Variants in TTLL11 observed in about 807,000 individuals in gnomAD.
TTLL11 encodes the protein tubulin polyglutamylase TTLL11.
Under a neutral mutation model 51.7 loss-of-function variants are expected in TTLL11, and 42 were observed. The ratio of observed to expected loss-of-function variants is 0.81; its 90% CI spans 0.64 to 1.05. The LOEUF (loss-of-function observed/expected upper bound fraction) is 1.05, where lower values mean the gene tolerates loss of function less well. Among genes scored for constraint, TTLL11 ranks in the 50% least tolerant of loss-of-function variants. The pLI, the probability that TTLL11 is intolerant of heterozygous loss-of-function variation, is 0.00. For synonymous variants in TTLL11, 381 were observed against 383.5 expected, an observed-to-expected ratio of 0.99 and a Z score of 0.08; for missense variants, 799 against 940.4, an observed-to-expected ratio of 0.85 and a Z score of 1.97.
chr9:121,968,082 T>C (rs934396388), intron 6 of TTLL11, among the ~76,000 whole-genome samples: 8 of 152,204 alleles, frequency 5.3e-5, no homozygotes, highest in Admixed American at 3.9e-4. Flanking sequence ...ACTTTGTGAA[T>C]GTACTAAATG....
intron 1 of TTLL11, among the ~76,000 whole-genome samples, chr9:122,068,992 G>C (rs1845663600): frequency 6.6e-6 from 1 of 152,178 alleles, no homozygotes; most frequent in African/African-American, 2.4e-5. Flanking sequence ...GCCCCTGAAT[G>C]ACGACCCTGC....
At chr9:122,082,844 T>G (rs547291442) in intron 1 of TTLL11, among the ~76,000 whole-genome samples, 1 of 152,042 alleles carries the variant, frequency 6.6e-6, no homozygotes, top group African/African-American at 2.4e-5. Context: ...TTGGGCAACA[T>G]AGCACAATGC....
chr9:121,987,773 C>T (rs1030776255), intron 4 of TTLL11, among the ~76,000 whole-genome samples: 1 of 152,058 alleles, frequency 6.6e-6, no homozygotes, highest in African/African-American at 2.4e-5. Context: ...CTGGCTCCCT[C>T]CCCCTCCCCT....
At chr9:122,019,903 G>A (rs1238209318) in intron 3 of TTLL11, among the ~76,000 whole-genome samples, 1 of 152,158 alleles carries the variant, frequency 6.6e-6, no homozygotes, top group Non-Finnish European at 1.5e-5. Context: ...TGTTTTATAA[G>A]GGGTTTCCCT....
Position 121,996,474 on chromosome 9 carries a change from C to T in TTLL11, c.694-6704G>A, listed in dbSNP as rs559781574. 4.9e-4 allele frequency among the ~76,000 whole-genome samples: 74 copies of T among 152,288 alleles called. No individual in the cohort carries two copies. In the Middle Eastern group the frequency reaches 0.01, roughly 21 times the overall value. On this transcript the variant is annotated intron_variant, in intron 3 of 8. Transcript: ENST00000321582. ...CTACACACACACACAGACACACACA[C>T]ACATGCACACACATGTATAGAGTAC...
chr9:121,971,941 A>G (rs372529733), intron 6 of TTLL11, among the ~76,000 whole-genome samples: 20 of 152,100 alleles, frequency 1.3e-4, no homozygotes, highest in African/African-American at 4.6e-4. Context: ...ATGAGAACAC[A>G]TGAGCACAGG....
chr9:122,043,201 C>A (rs767316048), intron 1 of TTLL11, among the ~76,000 whole-genome samples: 2 of 151,984 alleles, frequency 1.3e-5, no homozygotes, highest in Non-Finnish European at 2.9e-5. Context: ...AATCTCTGCA[C>A]CATATGCTCA....
intron 6 of TTLL11, among the ~76,000 whole-genome samples, chr9:121,955,449 G>C (rs1208227906): frequency 6.6e-6 from 1 of 152,162 alleles, no homozygotes; most frequent in East Asian, 1.9e-4. Flanking sequence ...CTCATTAAAT[G>C]CTTCCCATAC....
intron 6 of TTLL11, among the ~76,000 whole-genome samples, chr9:121,921,893 G>A (rs1840559211): frequency 1.3e-5 from 2 of 152,220 alleles, no homozygotes; most frequent in Non-Finnish European, 2.9e-5. Flanking sequence ...AAAAGAGGCT[G>A]ATGGTCTGCC....
At chr9:121,877,508 C>T (rs10121618) in intron 6 of TTLL11, among the ~76,000 whole-genome samples, 110,699 of 151,940 alleles carry the variant, frequency 0.73, 40,888 homozygotes, top group East Asian at 0.9. Context: ...CCTAGACCCA[C>T]GTTGAGCCTA....
At chr9:121,860,182 A>G (rs1837960224) in intron 8 of TTLL11, among the ~76,000 whole-genome samples, 155 bp downstream of exon 8, 1 of 152,238 alleles carries the variant, frequency 6.6e-6, no homozygotes, top group Non-Finnish European at 1.5e-5. Context: ...ACAGTGCTCC[A>G]GCATTTAAAT....
chr9:122,006,360 T>C (rs1467206161), intron 3 of TTLL11, among the ~76,000 whole-genome samples: 1 of 150,662 alleles, frequency 6.6e-6, no homozygotes, highest in Non-Finnish European at 1.5e-5. Flanking sequence ...AAAAGAATTA[T>C]GTAAAGAGAG....
In TTLL11 at chr9:121,940,977, A is replaced by G. The variant is rs115848587; in HGVS notation, c.1481+33032T>C. Among the ~76,000 whole-genome samples, 645 of 152,350 alleles carry G rather than the reference A, an allele frequency of 4.2e-3. 2 individuals are homozygous for G. Among genetic ancestry groups the G allele is most frequent in the African/African-American group, 0.015 (615 of 41,580 alleles). ...ACTCCAATTAAGGCAGAAGCCGGCT[A>G]TATTTGGGAGCCAATTAATTTCACA... On this transcript the variant is annotated intron_variant, in intron 6 of 8. Transcript: ENST00000321582.
chr9:121,867,689 C>T (rs762147647), intron 7 of TTLL11, among the ~76,000 whole-genome samples: 19 of 152,156 alleles, frequency 1.2e-4, no homozygotes, highest in Non-Finnish European at 2.2e-4. Flanking sequence ...TGCCTCCTCT[C>T]GGGAGCCTGC....
chr9:122,079,499 C>T (rs1440418855), intron 1 of TTLL11, among the ~76,000 whole-genome samples: 1 of 151,384 alleles, frequency 6.6e-6, no homozygotes, highest in Non-Finnish European at 1.5e-5. Flanking sequence ...AGCATGAGGT[C>T]AAGAGATCGA....
intron 7 of TTLL11, 36 bp downstream of exon 7, chr9:121,870,461 C>G (rs1294646893): frequency 1.9e-6 from 3 of 1,538,842 alleles, no homozygotes; most frequent in Non-Finnish European, 2.6e-6. Context: ...TCCACCCAGC[C>G]CAAAGCCCAA....
chr9:122,052,112 T>C (rs999809981), intron 1 of TTLL11, among the ~76,000 whole-genome samples: 1 of 152,160 alleles, frequency 6.6e-6, no homozygotes, highest in Non-Finnish European at 1.5e-5. Context: ...TGTGACCAGA[T>C]GGAACACAGT....
intron 3 of TTLL11, among the ~76,000 whole-genome samples, chr9:122,023,027 C>T (rs1844223370): frequency 6.6e-6 from 1 of 151,264 alleles, no homozygotes; most frequent in Admixed American, 6.6e-5. Flanking sequence ...ATTATGCCAA[C>T]AAAGGAAATC....
At chr9:121,921,584 C>T (rs1489552654) in intron 6 of TTLL11, among the ~76,000 whole-genome samples, 1 of 152,182 alleles carries the variant, frequency 6.6e-6, no homozygotes, top group Non-Finnish European at 1.5e-5. Context: ...TAATCCCTCC[C>T]CAGTGCTGAG....
Sources: gnomAD v4.1 joint callset for allele counts (sites outside exome capture counted in the v4.1 genomes callset) on GRCh38, gnomAD v4.1.1 for gene constraint, MANE v1.5 for transcripts, NCBI Gene and HGNC (gene_info 2026-07-23, HGNC 2026-07-21) for gene names.